Variants in RIPOR1 observed in about 807,000 individuals in gnomAD.
RIPOR1 encodes the protein RHO family interacting cell polarization regulator 1.
Under a neutral mutation model 116.5 loss-of-function variants are expected in RIPOR1, and 58 were observed. That is an observed-to-expected ratio of 0.50 (90% CI 0.40 to 0.62). The LOEUF is 0.62. Ranked by LOEUF, RIPOR1 falls within the 20% of genes least tolerant of loss-of-function variation. The pLI, the probability that RIPOR1 is intolerant of heterozygous loss-of-function variation, is 0.00. For synonymous variants in RIPOR1, 605 were observed against 650.0 expected, an observed-to-expected ratio of 0.93 and a Z score of 1.05; for missense variants, 1,372 against 1,586.2, an observed-to-expected ratio of 0.86 and a Z score of 2.29.
rs1483822825 is a variant in RIPOR1, at chr16:67,545,234, A to C, written c.3031+117A>C. 5.2e-6 allele frequency: 8 copies of C among 1,529,310 alleles called. No homozygotes were observed. Among genetic ancestry groups the C allele is most frequent in the Non-Finnish European group, 7.1e-6 (8 of 1,127,170 alleles). The allele number at this position is 1,529,310 out of a possible 1,614,324, so 94.7% of individuals were successfully genotyped here. ...CTGGGCACCGAGGAGACCAGCAAAG[A>C]CTTGGGCCTTAGAGCAGAAGGACCC... On this transcript the variant is annotated intron_variant, in intron 17 of 21. Coordinates refer to ENST00000042381, the MANE Select transcript of RIPOR1 (RefSeq NM_024519.4). The surrounding 1 kb of genome is among the most constrained non-coding windows in gnomAD (Gnocchi z 4.8).
At chr16:67,520,186 T>G (rs934133926) in intron 1 of RIPOR1, among the ~76,000 whole-genome samples, 1 of 150,976 alleles carries the variant, frequency 6.6e-6, no homozygotes, top group African/African-American at 2.4e-5. Context: ...AAGACCAGCC[T>G]GGACAACATG....
chr16:67,538,353 C>G (rs566914396), intron 1 of RIPOR1, 71 bp from the exon 2 acceptor site: 13 of 1,505,808 alleles, frequency 8.6e-6, no homozygotes, highest in Admixed American at 2.1e-5. Flanking sequence ...TGCGCCAGCC[C>G]TGGATCCCGC....
rs2051047112 is a variant in RIPOR1, at chr16:67,543,122, C to G, written c.2336C>G (p.Pro779Arg). The stretch of plus-strand genomic sequence containing the variant: ...GCCATGGCTGTCCAGACCCCAGTCC[C>G]AACGGCAGCCGGAGGGTCTGGGGAC... ...CLAMAVQTPVPTAAGGSGDRS... is the reference protein window; with the variant it reads ...CLAMAVQTPVRTAAGGSGDRS... Residue 779 changes from proline to arginine, a missense_variant, in exon 13 of 22, where the codon CCA becomes CGA. Pro to Arg is a moderately radical substitution (Grantham distance 103, BLOSUM62 -2). This residue lies in a region of RIPOR1 where 1,005 missense variants were observed against 1,144.7 expected (regional missense o/e 0.88). Coordinates refer to ENST00000042381, the MANE Select transcript of RIPOR1 (RefSeq NM_024519.4). The surrounding 1 kb of genome is among the most constrained non-coding windows in gnomAD (Gnocchi z 4.7). The G allele has an allele frequency of 2.6e-6, 4 of 1,524,226 alleles. No homozygotes were observed. Among genetic ancestry groups the G allele is most frequent in the Non-Finnish European group, 2.6e-6 (3 of 1,138,184 alleles). The allele number at this position is 1,524,226 out of a possible 1,614,324, so 94.4% of individuals were successfully genotyped here.
chr16:67,533,857 G>T (rs1282460971), intron 1 of RIPOR1, among the ~76,000 whole-genome samples: 1 of 149,882 alleles, frequency 6.7e-6, no homozygotes, highest in African/African-American at 2.5e-5. Context: ...GCCCAGGCTG[G>T]AGTGCAATGG....
At chr16:67,523,448 C>T (rs2050511448) in intron 1 of RIPOR1, among the ~76,000 whole-genome samples, 1 of 146,026 alleles carries the variant, frequency 6.8e-6, no homozygotes, top group Non-Finnish European at 1.5e-5. Context: ...ATCGCTTGAA[C>T]CCGGGAGGCA....
intron 1 of RIPOR1, among the ~76,000 whole-genome samples, chr16:67,522,025 T>TTTG (rs34745420): frequency 1.3e-4 from 19 of 151,676 alleles, no homozygotes; most frequent in Admixed American, 2.6e-4. Flanking sequence ...CACCATGTTT[T>TTTG]TTGTTGTTGT....
upstream of RIPOR1, among the ~76,000 whole-genome samples, chr16:67,524,041 T>A (rs2050520091): frequency 6.6e-6 from 1 of 152,202 alleles, no homozygotes; most frequent in Admixed American, 6.5e-5. Flanking sequence ...ATCATGTTCA[T>A]CACTGCCCAT....
rs560701112 is a variant in RIPOR1 at position 67,531,328 on chromosome 16, C to A, written c.-24+2414C>A. On this transcript the variant is annotated intron_variant, in intron 1 of 21. Coordinates refer to ENST00000042381, the MANE Select transcript of RIPOR1 (RefSeq NM_024519.4). This position sits in a 1 kb window ranked among gnomAD's most constrained non-coding sequence, Gnocchi z 4.2. ...GCCCAGCTTCCCCCACTGTTCCCCC[C>A]CTTCATCTCCCAGGTGCTACAGGAC... Among the ~76,000 whole-genome samples the A allele has an allele frequency of 4.6e-5, 7 of 151,960 alleles. No individual in the cohort carries two copies. The highest frequency in any genetic ancestry group is 3.4e-3 in the Middle Eastern group (1 of 294).
Position 67,529,765 on chromosome 16 carries a change from G to A in RIPOR1, c.-24+851G>A. On this transcript the variant is annotated intron_variant, in intron 1 of 21. Coordinates refer to ENST00000042381, the MANE Select transcript of RIPOR1 (RefSeq NM_024519.4). This position sits in a 1 kb window ranked among gnomAD's most constrained non-coding sequence, Gnocchi z 4.1. ...AATACTTGTGCCCTGGCTGCAGTCTGCGGGGCCGCGCCCTGGGCCTGCCGC... is the reference window on the plus strand; with the variant it reads ...AATACTTGTGCCCTGGCTGCAGTCTACGGGGCCGCGCCCTGGGCCTGCCGC... The A allele has an allele frequency of 1.3e-6, 2 of 1,535,064 alleles. No individual in the cohort carries two copies. Among genetic ancestry groups the A allele is most frequent in the Non-Finnish European group, 1.7e-6 (2 of 1,146,796 alleles).
At chr16:67,533,370 G>T (rs1472327434) in intron 1 of RIPOR1, among the ~76,000 whole-genome samples, 2 of 152,150 alleles carry the variant, frequency 1.3e-5, no homozygotes, top group East Asian at 3.9e-4. Context: ...AGATGGCATT[G>T]AGCTGCGGGA....
Position 67,538,408 on chromosome 16 carries a change from C to T in RIPOR1, c.-23-16C>T, listed in dbSNP as rs758489771. 4 of 1,558,092 alleles carry T rather than the reference C, an allele frequency of 2.6e-6. No individual in the cohort carries two copies. The Admixed American group carries it at 5.8e-5, about 22-fold the overall frequency. ...GGGATCCGACTGGTACTGGACACCC[C>T]CCCGATCACCCGCAGGGAGCCCCGC... is the stretch of plus-strand genomic sequence containing the variant. On this transcript the variant is annotated splice_polypyrimidine_tract_variant and intron_variant, in intron 1 of 21. Coordinates refer to ENST00000042381, the MANE Select transcript of RIPOR1 (RefSeq NM_024519.4).
At chr16:67,527,690 C>G (rs752831625), upstream of RIPOR1, among the ~76,000 whole-genome samples, 2 of 152,134 alleles carry the variant, frequency 1.3e-5, no homozygotes, top group Admixed American at 6.5e-5. Context: ...TCCTGGCTAA[C>G]ATGGTGAAAC....
upstream of RIPOR1, among the ~76,000 whole-genome samples, chr16:67,526,424 A>G (rs1254401432): frequency 6.6e-6 from 1 of 152,186 alleles, no homozygotes. Flanking sequence ...CATAGTATGG[A>G]CTATCTTCTG....
Position 67,541,935 on chromosome 16 carries a change from C to G in RIPOR1, c.1149C>G (p.Asp383Glu), listed in dbSNP as rs371602868. 1 of 1,612,032 alleles carries G rather than the reference C, an allele frequency of 6.2e-7. No individual in the cohort carries two copies. The highest frequency in any genetic ancestry group is 8.5e-7 in the Non-Finnish European group (1 of 1,179,410). The change falls in exon 13 of 22, where the codon GAC becomes GAG. Residue 383 changes from aspartate to glutamate, a missense_variant. Transcript: ENST00000042381. This position sits in a 1 kb window ranked among gnomAD's most constrained non-coding sequence, Gnocchi z 4.6. ...GGTCCCTGTCATCTGAATCTTCAGA[C>G]GACTCATCCAGCCCACAGCTCTCAG... ...TAWSLSSESS[D>E]DSSSPQLSGT...
Position 67,543,879 on chromosome 16 carries a change from C to G in RIPOR1, c.2600+410C>G, listed in dbSNP as rs1441175219. 2.8e-6 allele frequency: 1 copy of G among 355,258 alleles called. No homozygotes were observed. The highest frequency in any genetic ancestry group is 6.0e-5 in the East Asian group (1 of 16,568). 22.0% of individuals were successfully genotyped at this position (355,258 alleles called of 1,614,324 possible). A position where few individuals can be genotyped will look rare whatever the true frequency, so the allele number is the denominator to read the frequency against. ...GCCCCACTCCTTCTCAACCCCGACT[C>G]TCCCAGAGGCCCTGGCCCCTCAACT... On this transcript the variant is annotated intron_variant, in intron 14 of 21. Coordinates refer to ENST00000042381, the MANE Select transcript of RIPOR1 (RefSeq NM_024519.4). The surrounding 1 kb of genome is among the most constrained non-coding windows in gnomAD (Gnocchi z 4.7).
chr16:67,519,509 G>A (rs1251543093), intron 1 of RIPOR1, among the ~76,000 whole-genome samples: 1 of 152,188 alleles, frequency 6.6e-6, no homozygotes, highest in African/African-American at 2.4e-5. Flanking sequence ...CGAGTGATGT[G>A]TATCCTTGGC....
rs907545071 is a variant in RIPOR1 at position 67,544,568 on chromosome 16, C to A, written c.2734-127C>A. On this transcript the variant is annotated intron_variant, in intron 15 of 21. Transcript: ENST00000042381. The surrounding 1 kb of genome is among the most constrained non-coding windows in gnomAD (Gnocchi z 5.1). Reference sequence around the variant, plus strand: ...CAGGGCCCTTGGCATCTGGCCCTTGCTGAATGGAGTATCTCCCAACTCTGC... The same window carrying A: ...CAGGGCCCTTGGCATCTGGCCCTTGATGAATGGAGTATCTCCCAACTCTGC... The A allele has an allele frequency of 9.9e-5, 153 of 1,538,236 alleles. No individual in the cohort carries two copies. Among genetic ancestry groups the A allele is most frequent in the Non-Finnish European group, 1.3e-4 (143 of 1,133,918 alleles).
Position 67,541,920 on chromosome 16 carries a change from A to C in RIPOR1, c.1134A>C (p.Ser378=). 1 of 1,612,120 alleles carries C rather than the reference A, an allele frequency of 6.2e-7. No homozygotes were observed. Residue 378 remains serine (S), a synonymous_variant, in exon 13 of 22, where the codon TCA becomes TCC. Transcript: ENST00000042381. This position sits in a 1 kb window ranked among gnomAD's most constrained non-coding sequence, Gnocchi z 4.6. The part of the protein sequence containing the change: ...ELENGTAWSL[S]SESSDDSSSP... ...AGAATGGGACAGCATGGTCCCTGTCATCTGAATCTTCAGACGACTCATCCA... is the reference window on the plus strand; with the variant it reads ...AGAATGGGACAGCATGGTCCCTGTCCTCTGAATCTTCAGACGACTCATCCA...
At position 67,543,613 on chromosome 16, in the gene RIPOR1, G is replaced by A. The variant is rs957656978; in HGVS notation, c.2600+144G>A. On this transcript the variant is annotated intron_variant, in intron 14 of 21. Coordinates refer to ENST00000042381, the MANE Select transcript of RIPOR1 (RefSeq NM_024519.4). This position sits in a 1 kb window ranked among gnomAD's most constrained non-coding sequence, Gnocchi z 4.7. The stretch of plus-strand genomic sequence containing the variant: ...GGGCCAGGTGGAGCATGTGAGGACT[G>A]AGTTGCTGGCAGGTGCACCTGTGTC... The A allele has an allele frequency of 8.3e-7, 1 of 1,206,630 alleles. No homozygotes were observed. Among genetic ancestry groups the A allele is most frequent in the Non-Finnish European group, 1.2e-6 (1 of 865,264 alleles). 74.7% of individuals were successfully genotyped at this position (1,206,630 alleles called of 1,614,324 possible). A position where few individuals can be genotyped will look rare whatever the true frequency, so the allele number is the denominator to read the frequency against.
Sources: gnomAD v4.1 joint callset for allele counts (sites outside exome capture counted in the v4.1 genomes callset) on GRCh38, gnomAD v4.1.1 for gene constraint, gnomAD v4.1.1 regional missense constraint, Gnocchi (gnomAD v3.1) non-coding constraint, MANE v1.5 for transcripts, NCBI Gene and HGNC (gene_info 2026-07-23, HGNC 2026-07-21) for gene names.